Variants in SND1 observed in about 807,000 individuals in gnomAD.
The protein encoded by SND1 is staphylococcal nuclease domain-containing protein 1.
A neutral mutation model predicts 121.7 loss-of-function variants in SND1; 38 were observed. The observed-to-expected ratio is 0.31, with a 90% CI of 0.24 to 0.41. SND1 has a LOEUF of 0.41. Ranked by LOEUF, SND1 falls within the 10% of genes least tolerant of loss-of-function variation. SND1 has a pLI of 1.00. For missense variants in SND1, 868 were observed against 1,184.6 expected (o/e 0.73, Z 3.92); for synonymous variants, 401 against 447.4 (o/e 0.90, Z 1.31).
At chr7:127,736,063 A>G (rs548848754) in intron 10 of SND1, among the ~76,000 whole-genome samples, 4 of 152,280 alleles carry the variant, frequency 2.6e-5, no homozygotes, top group African/African-American at 9.6e-5. Flanking sequence ...AATACTAGTC[A>G]TTTTTGTACA....
At chr7:127,834,196 C>A (rs1267426155) in intron 11 of SND1, among the ~76,000 whole-genome samples, 2 of 152,156 alleles carry the variant, frequency 1.3e-5, no homozygotes, top group Non-Finnish European at 2.9e-5. Context: ...GCTTCCAATT[C>A]CACTGATGTA....
intron 1 of SND1, among the ~76,000 whole-genome samples, chr7:127,658,359 A>G (rs1795247651): frequency 6.6e-6 from 1 of 152,160 alleles, no homozygotes; most frequent in Non-Finnish European, 1.5e-5. Flanking sequence ...ATACTTAGTC[A>G]TATGCTTGTT....
intron 10 of SND1, among the ~76,000 whole-genome samples, chr7:127,805,776 CTTG>C (rs752892207): frequency 6.6e-6 from 1 of 152,126 alleles, no homozygotes; most frequent in Non-Finnish European, 1.5e-5. Flanking sequence ...ACAGAGGTGT[CTTG>C]TTTTGTCAGG....
At chr7:127,935,268 G>T (rs1184837230) in intron 15 of SND1, among the ~76,000 whole-genome samples, 1 of 152,154 alleles carries the variant, frequency 6.6e-6, no homozygotes. Context: ...AAGGGTGAAG[G>T]TAACATTCCG....
intron 11 of SND1, among the ~76,000 whole-genome samples, chr7:127,833,522 G>C (rs1018294746): frequency 6.6e-6 from 1 of 151,908 alleles, no homozygotes. Flanking sequence ...ACCTTGGCCT[G>C]CCAAAATACT....
At chr7:127,844,254 G>A (rs1269411179) in intron 11 of SND1, 70 bp from the exon 12 acceptor site, 1 of 1,200,008 alleles carries the variant, frequency 8.3e-7, no homozygotes, top group Non-Finnish European at 1.2e-6. Flanking sequence ...CAGTTGAGCA[G>A]GCACATGTGG....
chr7:127,673,244 A>G lies in SND1; in HGVS notation c.79-13369A>G, dbSNP rs1795557505. On this transcript the variant is annotated intron_variant, in intron 1 of 23. Coordinates refer to ENST00000354725, the MANE Select transcript of SND1 (RefSeq NM_014390.4). ...GTAATGTTATATATGATATATAACT[A>G]TATTATATAGTATTATAATATGTAA... 1.3e-5 allele frequency among the ~76,000 whole-genome samples: 2 copies of G among 148,982 alleles called. 1 individual carries two copies. Among genetic ancestry groups the G allele is most frequent in the South Asian group, 4.2e-4 (2 of 4,806 alleles).
At chr7:128,081,607 G>C in intron 18 of SND1, 106 bp downstream of exon 18, 1 of 1,341,302 alleles carries the variant, frequency 7.5e-7, no homozygotes, top group Non-Finnish European at 1.0e-6. Flanking sequence ...TGCCTAGGCA[G>C]TCCAGGAGCC....
chr7:127,720,470 C>T (rs1796473176), intron 9 of SND1, among the ~76,000 whole-genome samples: 1 of 152,198 alleles, frequency 6.6e-6, no homozygotes, highest in African/African-American at 2.4e-5. Context: ...TGCGTTCTAG[C>T]TACAACACTG....
intron 16 of SND1, among the ~76,000 whole-genome samples, chr7:128,066,323 G>A (rs908542709): frequency 6.6e-6 from 1 of 152,242 alleles, no homozygotes; most frequent in Non-Finnish European, 1.5e-5. Flanking sequence ...TTGCTGGTGT[G>A]CCAGCCCAGG....
At chr7:127,688,563 A>G (rs1562979022) in intron 2 of SND1, among the ~76,000 whole-genome samples, 2 of 151,476 alleles carry the variant, frequency 1.3e-5, no homozygotes, top group Non-Finnish European at 2.9e-5. Flanking sequence ...AAAAAAAAAA[A>G]AAGAAAAAAT....
intron 10 of SND1, among the ~76,000 whole-genome samples, chr7:127,802,826 G>T (rs1213078318): frequency 6.6e-6 from 1 of 152,078 alleles, no homozygotes; most frequent in Non-Finnish European, 1.5e-5. Flanking sequence ...ATGGACCCCA[G>T]CCATCTTTAC....
chr7:127,770,727 A>G (rs954186791), intron 10 of SND1, among the ~76,000 whole-genome samples: 1 of 152,198 alleles, frequency 6.6e-6, no homozygotes, highest in African/African-American at 2.4e-5. Flanking sequence ...TTCAATTAAA[A>G]AAAAAAGTGG....
In SND1 at chr7:127,807,465, T is replaced by C. The variant is rs1798257141; in HGVS notation, c.1153-19T>C. On this transcript the variant is annotated intron_variant, in intron 10 of 23. Transcript: ENST00000354725. ...TTGATATTGTTCATTCCTGATGTCA[T>C]GTTTTATTTTACTTTTAGGATAAGA... 5 of 1,582,396 alleles carry C rather than the reference T, an allele frequency of 3.2e-6. No individual in the cohort carries two copies. The highest frequency in any genetic ancestry group is 1.1e-5 in the South Asian group (1 of 90,410).
intron 14 of SND1, among the ~76,000 whole-genome samples, chr7:127,905,595 G>A (rs1379800746): frequency 6.6e-6 from 1 of 152,144 alleles, no homozygotes; most frequent in African/African-American, 2.4e-5. Flanking sequence ...GCAATGTCAG[G>A]TAGCGAAAAC....
chr7:128,021,411 C>T (rs1461241844), intron 16 of SND1, among the ~76,000 whole-genome samples: 4 of 152,188 alleles, frequency 2.6e-5, no homozygotes, highest in Non-Finnish European at 5.9e-5. Context: ...CTGTGGAGAG[C>T]TGCCTATAAC....
intron 14 of SND1, among the ~76,000 whole-genome samples, chr7:127,911,049 A>G (rs969733766): frequency 5.9e-5 from 9 of 152,208 alleles, no homozygotes; most frequent in African/African-American, 2.2e-4. Flanking sequence ...CCTGGAAGCC[A>G]TGGTTGGTGG....
intron 10 of SND1, among the ~76,000 whole-genome samples, chr7:127,772,518 C>A (rs1327573157): frequency 6.6e-6 from 1 of 152,202 alleles, no homozygotes; most frequent in East Asian, 1.9e-4. Context: ...AGTGTCTCAT[C>A]TGGTGTAGAG....
chr7:127,738,673 G>T (rs1269030798), intron 10 of SND1, among the ~76,000 whole-genome samples: 4 of 152,272 alleles, frequency 2.6e-5, no homozygotes, highest in Non-Finnish European at 4.4e-5. Flanking sequence ...TCTGTTTGCT[G>T]CTTTTTCCCT....
Sources: gnomAD v4.1 joint callset for allele counts (sites outside exome capture counted in the v4.1 genomes callset) on GRCh38, gnomAD v4.1.1 for gene constraint, MANE v1.5 for transcripts, NCBI Gene and HGNC (gene_info 2026-07-23, HGNC 2026-07-21) for gene names.